KRTAP15-1: variants seen among roughly 807,000 people sequenced by gnomAD.
The protein encoded by KRTAP15-1 is keratin-associated protein 15-1.
For missense variants in KRTAP15-1, 181 were observed against 156.8 expected (o/e 1.15, Z -0.83); for synonymous variants, 65 against 59.6 (o/e 1.09, Z -0.42).
rs1984707589 is a variant in KRTAP15-1, at chr21:30,440,860, A to G, written c.*119A>G. 2 of 966,236 alleles carry G rather than the reference A, an allele frequency of 2.1e-6. No individual in the cohort carries two copies. Among genetic ancestry groups the G allele is most frequent in the East Asian group, 4.8e-5 (2 of 41,636 alleles). The allele number at this position is 966,236 out of a possible 1,614,324, so 59.9% of individuals were successfully genotyped here. ...GCCTGTCCAATATCTGTGATTGTTGACCATCTACATCAGTAGGACTCAGCA... is the reference window on the plus strand; with the variant it reads ...GCCTGTCCAATATCTGTGATTGTTGGCCATCTACATCAGTAGGACTCAGCA... On this transcript the variant is annotated 3_prime_UTR_variant, in exon 1 of 1. Coordinates refer to ENST00000334067, the MANE Select transcript of KRTAP15-1 (RefSeq NM_181623.3).
chr21:30,440,418 C>A lies in KRTAP15-1; in HGVS notation c.91C>A (p.Pro31Thr). Residue 31 changes from proline to threonine, a missense_variant, in exon 1 of 1, where the codon CCC (proline) becomes ACC (threonine). Transcript: ENST00000334067. Reference sequence around the variant, plus strand: ...AGTTTCCACTTATAATTTGTTCTACCCCAGCAATGCCATCTATTCTCCAAA... The same window carrying A: ...AGTTTCCACTTATAATTTGTTCTACACCAGCAATGCCATCTATTCTCCAAA... ...YPVSTYNLFY[P>T]SNAIYSPNTC... The A allele has an allele frequency of 1.2e-6, 2 of 1,614,000 alleles. No individual in the cohort carries two copies. Among genetic ancestry groups the A allele is most frequent in the Non-Finnish European group, 1.7e-6 (2 of 1,179,932 alleles).
In KRTAP15-1 at chr21:30,440,771, A is replaced by G; in HGVS notation, c.*30A>G. ...CCTTTGGGTCTCGCCTTTTTGGATC[A>G]TCTTACTGAATATTCTCCATTCTCT... On this transcript the variant is annotated 3_prime_UTR_variant, in exon 1 of 1. Coordinates refer to ENST00000334067, the MANE Select transcript of KRTAP15-1 (RefSeq NM_181623.3). 6.4e-7 allele frequency: 1 copy of G among 1,566,116 alleles called. No individual in the cohort carries two copies. The highest frequency in any genetic ancestry group is 1.4e-5 in the African/African-American group (1 of 73,380).
rs768529184 is a variant in KRTAP15-1, at chr21:30,440,411, G to A, written c.84G>A (p.Leu28=). 11 of 1,613,884 alleles carry A rather than the reference G, an allele frequency of 6.8e-6. No homozygotes were observed. Among genetic ancestry groups the A allele is most frequent in the African/African-American group, 1.3e-5 (1 of 74,880 alleles). ...YLRYPVSTYN[L]FYPSNAIYSP... is the part of the protein sequence containing the mutation. ...GGTATCCAGTTTCCACTTATAATTT[G>A]TTCTACCCCAGCAATGCCATCTATT... The change falls in exon 1 of 1, where the codon TTG becomes TTA. Residue 28 remains leucine, a synonymous_variant. Transcript: ENST00000334067.
chr21:30,440,587 G>T lies in KRTAP15-1; in HGVS notation c.260G>T (p.Arg87Leu), dbSNP rs147531564. The T allele has an allele frequency of 6.2e-7, 1 of 1,614,088 alleles. No individual in the cohort carries two copies. Reference sequence around the variant, plus strand: ...AAGAATTCCATCTTCTGCAGTCCCCGCCAGACTAACTACATAAGATCCCTT... The same window carrying T: ...AAGAATTCCATCTTCTGCAGTCCCCTCCAGACTAACTACATAAGATCCCTT... ...CPKNSIFCSP[R>L]QTNYIRSLGC... Residue 87 changes from arginine (R) to leucine (L), a missense_variant, in exon 1 of 1, where the codon CGC becomes CTC. Coordinates refer to ENST00000334067, the MANE Select transcript of KRTAP15-1 (RefSeq NM_181623.3).
In KRTAP15-1 at chr21:30,440,430, A is replaced by T; in HGVS notation, c.103A>T (p.Ile35Phe). Residue 35 changes from isoleucine (I) to phenylalanine (F), a missense_variant, in exon 1 of 1, where the codon ATC becomes TTC. Transcript: ENST00000334067. ...TYNLFYPSNA[I>F]YSPNTCQLGS... Reference sequence around the variant, plus strand: ...TAATTTGTTCTACCCCAGCAATGCCATCTATTCTCCAAATACCTGCCAACT... The same window carrying T: ...TAATTTGTTCTACCCCAGCAATGCCTTCTATTCTCCAAATACCTGCCAACT... 1.9e-6 allele frequency: 3 copies of T among 1,614,160 alleles called. No homozygotes were observed. The highest frequency in any genetic ancestry group is 1.6e-4 in the Middle Eastern group (1 of 6,062).
rs1463485901 is a variant in KRTAP15-1 at position 30,440,375 on chromosome 21, A to G, written c.48A>G (p.Gly16=). 6.2e-7 allele frequency: 1 copy of G among 1,613,340 alleles called. No individual in the cohort carries two copies. Among genetic ancestry groups the G allele is most frequent in the African/African-American group, 1.3e-5 (1 of 74,898 alleles). Reference sequence around the variant, plus strand: ...GAAACTTCTCCTCCTGCTGTTTTGGAAGTTACCTGAGGTATCCAGTTTCCA... The same window carrying G: ...GAAACTTCTCCTCCTGCTGTTTTGGGAGTTACCTGAGGTATCCAGTTTCCA... ...SSGNFSSCCF[G]SYLRYPVSTY... is the part of the protein sequence containing the mutation. The change falls in exon 1 of 1, where the codon GGA becomes GGG. Residue 16 remains glycine (G), a synonymous_variant. Transcript: ENST00000334067.
At position 30,440,714 on chromosome 21, in the gene KRTAP15-1, C is replaced by T. The variant is rs1984702509; in HGVS notation, c.387C>T (p.Ser129=). 5 of 1,612,956 alleles carry T rather than the reference C, an allele frequency of 3.1e-6. No homozygotes were observed. Among genetic ancestry groups the T allele is most frequent in the Non-Finnish European group, 4.2e-6 (5 of 1,179,444 alleles). The stretch of plus-strand genomic sequence containing the variant: ...TCTACCACCCAACTACCTTTTCATC[C>T]AGGAATTTCCAGGCAACTTGTTACT... ...SSFYHPTTFS[S]RNFQATCY Residue 129 remains serine (S), a synonymous_variant, in exon 1 of 1, where the codon TCC becomes TCT. Coordinates refer to ENST00000334067, the MANE Select transcript of KRTAP15-1 (RefSeq NM_181623.3).
Position 30,440,482 on chromosome 21 carries a change from A to G in KRTAP15-1, c.155A>G (p.Gln52Arg). The change falls in exon 1 of 1, where the codon CAG becomes CGG. Residue 52 changes from glutamine to arginine, a missense_variant. By Grantham distance (43) the Gln-to-Arg change is conservative (BLOSUM62 1). Transcript: ENST00000334067. ...QLGSSLYNGC[Q>R]ETYCEPTSCQ... ...GGCTCCTCTCTCTACAATGGCTGTCAGGAGACCTACTGTGAGCCCACCAGC... is the reference window on the plus strand; with the variant it reads ...GGCTCCTCTCTCTACAATGGCTGTCGGGAGACCTACTGTGAGCCCACCAGC... The G allele has an allele frequency of 6.2e-7, 1 of 1,614,220 alleles. No homozygotes were observed. Among genetic ancestry groups the G allele is most frequent in the Non-Finnish European group, 8.5e-7 (1 of 1,180,040 alleles).
In KRTAP15-1 at chr21:30,440,593, C is replaced by A. The variant is rs1388863336; in HGVS notation, c.266C>A (p.Thr89Asn). ...KNSIFCSPRQ[T>N]NYIRSLGCGN... Reference sequence around the variant, plus strand: ...TCCATCTTCTGCAGTCCCCGCCAGACTAACTACATAAGATCCCTTGGATGT... The same window carrying A: ...TCCATCTTCTGCAGTCCCCGCCAGAATAACTACATAAGATCCCTTGGATGT... The change falls in exon 1 of 1, where the codon ACT (threonine) becomes AAT (asparagine). Residue 89 changes from threonine (T) to asparagine (N), a missense_variant. Physicochemically the swap from Thr to Asn is moderately conservative, Grantham distance 65. Transcript: ENST00000334067. 1.2e-6 allele frequency: 2 copies of A among 1,614,060 alleles called. No individual in the cohort carries two copies. Among genetic ancestry groups the A allele is most frequent in the African/African-American group, 1.3e-5 (1 of 74,920 alleles).
rs375889301 is a variant in KRTAP15-1, at chr21:30,440,681, G to A, written c.354G>A (p.Gly118=). The change falls in exon 1 of 1, where the codon GGG becomes GGA. Residue 118 remains glycine (G), a synonymous_variant. Transcript: ENST00000334067. ...GSTGFQSLDC[G]SSFYHPTTFS... is the part of the protein sequence containing the mutation. ...CTGGCTTCCAATCTCTGGACTGTGG[G>A]TCCAGCTTCTACCACCCAACTACCT... 9.9e-6 allele frequency: 16 copies of A among 1,614,058 alleles called. No homozygotes were observed. In the African/African-American group the frequency reaches 1.7e-4, roughly 18 times the overall value.
At position 30,440,415 on chromosome 21, in the gene KRTAP15-1, T is replaced by C. The variant is rs761637709; in HGVS notation, c.88T>C (p.Tyr30His). 3 of 1,613,944 alleles carry C rather than the reference T, an allele frequency of 1.9e-6. No individual in the cohort carries two copies. Among genetic ancestry groups the C allele is most frequent in the East Asian group, 2.2e-5 (1 of 44,880 alleles). Residue 30 changes from tyrosine to histidine, a missense_variant, in exon 1 of 1, where the codon TAC (tyrosine) becomes CAC (histidine). Coordinates refer to ENST00000334067, the MANE Select transcript of KRTAP15-1 (RefSeq NM_181623.3). ...RYPVSTYNLF[Y>H]PSNAIYSPNT... The stretch of plus-strand genomic sequence containing the variant: ...TCCAGTTTCCACTTATAATTTGTTC[T>C]ACCCCAGCAATGCCATCTATTCTCC...
rs149202971 is a variant in KRTAP15-1, at chr21:30,440,734, G to A, written c.407G>A (p.Cys136Tyr). 81 of 1,611,722 alleles carry A rather than the reference G, an allele frequency of 5.0e-5. No homozygotes were observed. The African/African-American group carries it at 1.1e-3, about 21-fold the overall frequency. The change falls in exon 1 of 1, where the codon TGT (cysteine) becomes TAT (tyrosine). Residue 136 changes from cysteine to tyrosine, a missense_variant. By Grantham distance (194) the Cys-to-Tyr change is radical (BLOSUM62 -2). Transcript: ENST00000334067. ...TCATCCAGGAATTTCCAGGCAACTTGTTACTAACCAGCCTTTGGGTCTCGC... is the reference window on the plus strand; with the variant it reads ...TCATCCAGGAATTTCCAGGCAACTTATTACTAACCAGCCTTTGGGTCTCGC... ...TFSSRNFQAT[C>Y]Y
Position 30,440,800 on chromosome 21 carries a change from G to C in KRTAP15-1, c.*59G>C. The C allele has an allele frequency of 6.8e-7, 1 of 1,475,854 alleles. No homozygotes were observed. The highest frequency in any genetic ancestry group is 1.3e-5 in the South Asian group (1 of 77,038). 91.4% of individuals were successfully genotyped at this position (1,475,854 alleles called of 1,614,324 possible). A position where few individuals can be genotyped will look rare whatever the true frequency, so the allele number is the denominator to read the frequency against. On this transcript the variant is annotated 3_prime_UTR_variant, in exon 1 of 1. Coordinates refer to ENST00000334067, the MANE Select transcript of KRTAP15-1 (RefSeq NM_181623.3). ...TACTGAATATTCTCCATTCTCTCAT[G>C]ATTATTTCTGTACTCTATGGAACTG...
Position 30,440,377 on chromosome 21 carries a change from G to A in KRTAP15-1, c.50G>A (p.Ser17Asn), listed in dbSNP as rs757977541. The A allele has an allele frequency of 2.5e-6, 4 of 1,613,406 alleles. No homozygotes were observed. The Admixed American group carries it at 6.7e-5, about 27-fold the overall frequency. Residue 17 changes from serine to asparagine, a missense_variant, in exon 1 of 1, where the codon AGT (serine) becomes AAT (asparagine). Coordinates refer to ENST00000334067, the MANE Select transcript of KRTAP15-1 (RefSeq NM_181623.3). ...SGNFSSCCFG[S>N]YLRYPVSTYN... is the part of the protein sequence containing the mutation. ...AACTTCTCCTCCTGCTGTTTTGGAAGTTACCTGAGGTATCCAGTTTCCACT... is the reference window on the plus strand; with the variant it reads ...AACTTCTCCTCCTGCTGTTTTGGAAATTACCTGAGGTATCCAGTTTCCACT...
In KRTAP15-1 at chr21:30,440,609, C is replaced by T. The variant is rs959388639; in HGVS notation, c.282C>T (p.Ser94=). The part of the protein sequence containing the change: ...CSPRQTNYIR[S]LGCGNTGLGS... The stretch of plus-strand genomic sequence containing the variant: ...CCCGCCAGACTAACTACATAAGATC[C>T]CTTGGATGTGGAAACACTGGCCTTG... The change falls in exon 1 of 1, where the codon TCC becomes TCT. Residue 94 remains serine (S), a synonymous_variant. Transcript: ENST00000334067. The T allele has an allele frequency of 1.2e-5, 20 of 1,614,062 alleles. No homozygotes were observed. The highest frequency in any genetic ancestry group is 1.5e-5 in the Non-Finnish European group (18 of 1,180,044).
Position 30,440,474 on chromosome 21 carries a change from T to G in KRTAP15-1, c.147T>G (p.Asn49Lys). ...GCCAACTGGGCTCCTCTCTCTACAA[T>G]GGCTGTCAGGAGACCTACTGTGAGC... ...NTCQLGSSLY[N>K]GCQETYCEPT... is the part of the protein sequence containing the mutation. The change falls in exon 1 of 1, where the codon AAT becomes AAG. Residue 49 changes from asparagine to lysine, a missense_variant. Asn to Lys is a moderately conservative substitution (Grantham distance 94). Coordinates refer to ENST00000334067, the MANE Select transcript of KRTAP15-1 (RefSeq NM_181623.3). 2 of 1,614,188 alleles carry G rather than the reference T, an allele frequency of 1.2e-6. No individual in the cohort carries two copies. The highest frequency in any genetic ancestry group is 1.7e-6 in the Non-Finnish European group (2 of 1,179,990).
chr21:30,440,526 T>G lies in KRTAP15-1; in HGVS notation c.199T>G (p.Leu67Val), dbSNP rs752351333. 1 of 1,614,226 alleles carries G rather than the reference T, an allele frequency of 6.2e-7. No homozygotes were observed. Among genetic ancestry groups the G allele is most frequent in the East Asian group, 2.2e-5 (1 of 44,888 alleles). Reference protein sequence around the residue: ...EPTSCQTSCTLARSYQTSCYC... With the variant: ...EPTSCQTSCTVARSYQTSCYC... ...CACCAGCTGCCAGACATCCTGCACT[T>G]TGGCCAGATCCTATCAGACATCCTG... is the stretch of plus-strand genomic sequence containing the variant. Residue 67 changes from leucine to valine, a missense_variant, in exon 1 of 1, where the codon TTG (leucine) becomes GTG (valine). Coordinates refer to ENST00000334067, the MANE Select transcript of KRTAP15-1 (RefSeq NM_181623.3).
chr21:30,440,339 C>CA, the KRTAP15-1 span: 1 of 1,603,938 alleles, frequency 6.2e-7, no homozygotes, highest in South Asian at 1.1e-5. Flanking sequence ...TGTCTTACAA[C>CA]TGCAGCTCTG....
In KRTAP15-1 at chr21:30,440,471, C is replaced by T. The variant is rs1601132538; in HGVS notation, c.144C>T (p.Tyr48=). The change falls in exon 1 of 1, where the codon TAC becomes TAT. Residue 48 remains tyrosine, a synonymous_variant. Coordinates refer to ENST00000334067, the MANE Select transcript of KRTAP15-1 (RefSeq NM_181623.3). The stretch of plus-strand genomic sequence containing the variant: ...CCTGCCAACTGGGCTCCTCTCTCTA[C>T]AATGGCTGTCAGGAGACCTACTGTG... ...PNTCQLGSSL[Y]NGCQETYCEP... is the part of the protein sequence containing the mutation. 1 of 1,614,214 alleles carries T rather than the reference C, an allele frequency of 6.2e-7. No individual in the cohort carries two copies. Among genetic ancestry groups the T allele is most frequent in the East Asian group, 2.2e-5 (1 of 44,882 alleles).
Sources: allele counts gnomAD v4.1 joint callset, GRCh38; gene constraint gnomAD v4.1.1; transcripts MANE v1.5; gene names NCBI Gene and HGNC (gene_info 2026-07-23, HGNC 2026-07-21).